Variants in UNC13C observed in about 807,000 individuals in gnomAD.
UNC13C encodes unc-13 homolog C.
UNC13C carries 174 observed loss-of-function variants against 245.4 expected under a neutral mutation model. The ratio of observed to expected loss-of-function variants is 0.71; its 90% CI spans 0.63 to 0.80. UNC13C has a LOEUF of 0.80. Among genes scored for constraint, UNC13C ranks in the 30% least tolerant of loss-of-function variants. The pLI is 0.00. For missense variants in UNC13C, 2,829 were observed against 2,602.9 expected (o/e 1.09, Z -1.89); for synonymous variants, 992 against 895.1 (o/e 1.11, Z -1.93).
At position 54,300,287 on chromosome 15, in the gene UNC13C, G is replaced by A; in HGVS notation, c.4182G>A (p.Trp1394Ter). ...CAGAAGTCAAAGGGGATGAAGCCTG[G>A]AAGGTTTTCTTTGATGATGCTTCCC... Reference protein sequence around the residue: ...KIPEVKGDEAWKVFFDDASQE... With the variant: ...KIPEVKGDEA The change falls in exon 13 of 33, where the codon TGG becomes TGA. Residue 1394 changes from tryptophan (W) to a stop codon, truncating the protein, a stop_gained. Transcript: ENST00000260323. LOFTEE classifies it high-confidence loss of function. The A allele has an allele frequency of 6.3e-7, 1 of 1,593,956 alleles. No individual in the cohort carries two copies. Among genetic ancestry groups the A allele is most frequent in the Non-Finnish European group, 8.6e-7 (1 of 1,169,226 alleles).
intron 19 of UNC13C, among the ~76,000 whole-genome samples, chr15:54,464,813 G>T (rs1366187906): frequency 1.3e-5 from 2 of 151,710 alleles, no homozygotes; most frequent in Non-Finnish European, 2.9e-5. Context: ...CCAGTAAAAG[G>T]TATTAAGGAC....
chr15:54,196,880 A>C (rs1195279649), intron 4 of UNC13C, among the ~76,000 whole-genome samples: 2 of 152,144 alleles, frequency 1.3e-5, no homozygotes, highest in African/African-American at 4.8e-5. Context: ...ACAGTAAAAA[A>C]CTGAAATATT....
downstream of UNC13C, chr15:54,631,422 G>A (rs1227787734): frequency 6.6e-6 from 1 of 152,140 alleles, no homozygotes; most frequent in African/African-American, 2.4e-5. Context: ...TATGACAAAT[G>A]CGTAGTCATG....
chr15:54,605,671 T>G (rs78574078), intron 30 of UNC13C, among the ~76,000 whole-genome samples: 2,147 of 152,246 alleles, frequency 0.014, 51 homozygotes, highest in African/African-American at 0.048. Context: ...TTTTAATGCT[T>G]GAAATGCAGG....
At chr15:54,238,978 T>A (rs951389416) in intron 7 of UNC13C, among the ~76,000 whole-genome samples, 1 of 152,134 alleles carries the variant, frequency 6.6e-6, no homozygotes, top group Non-Finnish European at 1.5e-5. Context: ...TTAAAAAAAA[T>A]TCTTGTGTTT....
chr15:54,481,340 T>A (rs1893100425), intron 19 of UNC13C, among the ~76,000 whole-genome samples: 1 of 151,766 alleles, frequency 6.6e-6, no homozygotes, highest in South Asian at 2.1e-4. Context: ...AGTGCAGGAC[T>A]GGGCAGGCCA....
rs796465791 is a variant in UNC13C, at chr15:54,581,708, T to C, written c.6106+13761T>C. Among the ~76,000 whole-genome samples, 3 of 152,362 alleles carry C rather than the reference T, an allele frequency of 2.0e-5. No individual in the cohort carries two copies. In the South Asian group the frequency reaches 6.2e-4, roughly 32 times the overall value. On this transcript the variant is annotated intron_variant, in intron 30 of 32. Coordinates refer to ENST00000260323, the MANE Select transcript of UNC13C (RefSeq NM_001080534.3). ...GGGGGAGATACCAACATTCTATCTATAGCACATGGAAACTTTTCAGAAGTG... is the reference window on the plus strand; with the variant it reads ...GGGGGAGATACCAACATTCTATCTACAGCACATGGAAACTTTTCAGAAGTG...
chr15:54,105,404 T>A (rs1228289363), intron 2 of UNC13C, among the ~76,000 whole-genome samples: 1 of 152,192 alleles, frequency 6.6e-6, no homozygotes, highest in Non-Finnish European at 1.5e-5. Context: ...AGGGTTCTTC[T>A]GATAAGAATA....
chr15:53,917,299 G>A, the UNC13C span, among the ~76,000 whole-genome samples: 1 of 152,182 alleles, frequency 6.6e-6, no homozygotes, highest in African/African-American at 2.4e-5. Context: ...TGCATCAGGA[G>A]TAGCTAGTCT....
intron 24 of UNC13C, among the ~76,000 whole-genome samples, chr15:54,522,119 GA>G (rs887754344): frequency 3.3e-5 from 5 of 151,946 alleles, no homozygotes; most frequent in African/African-American, 1.2e-4. Flanking sequence ...ATCTTTTAAA[GA>G]AAAAGGAAAA....
chr15:54,191,068 T>C (rs187115438), intron 4 of UNC13C, among the ~76,000 whole-genome samples: 44 of 152,306 alleles, frequency 2.9e-4, no homozygotes, highest in African/African-American at 9.9e-4. Flanking sequence ...TTTTAAATTA[T>C]GCTTTAAGTT....
intron 19 of UNC13C, among the ~76,000 whole-genome samples, chr15:54,438,359 G>C (rs975717390): frequency 6.6e-6 from 1 of 151,900 alleles, no homozygotes; most frequent in African/African-American, 2.4e-5. Flanking sequence ...AAGACTACAA[G>C]ATATGTCCAT....
chr15:54,494,877 G>C, intron 20 of UNC13C, 143 bp downstream of exon 20: 3 of 1,012,968 alleles, frequency 3.0e-6, no homozygotes, highest in Non-Finnish European at 4.4e-6. Context: ...AACATTAAAG[G>C]ATTTGCATGT....
intron 1 of UNC13C, among the ~76,000 whole-genome samples, chr15:53,995,249 C>G (rs1454167514): frequency 6.6e-6 from 1 of 151,990 alleles, no homozygotes; most frequent in Admixed American, 6.6e-5. Flanking sequence ...GAAAAAAAGT[C>G]TGAAAAGAGC....
chr15:53,840,047 C>T, the UNC13C span, among the ~76,000 whole-genome samples: 2 of 152,072 alleles, frequency 1.3e-5, no homozygotes, highest in Admixed American at 1.3e-4. Flanking sequence ...CGATTCTTTA[C>T]TTATAGCAAG....
chr15:54,073,615 C>T (rs78208133), intron 2 of UNC13C, among the ~76,000 whole-genome samples: 71,245 of 152,038 alleles, frequency 0.47, 18,671 homozygotes, highest in Non-Finnish European at 0.6. Flanking sequence ...TTTTCATTTG[C>T]GTTGCTCTAA....
chr15:54,552,652 AAT>A (rs1896849599), intron 28 of UNC13C, among the ~76,000 whole-genome samples: 4 of 80,648 alleles, frequency 5.0e-5, no homozygotes, highest in African/African-American at 6.5e-5. Context: ...ATAATTATAT[AAT>A]TATATTATAT....
intron 19 of UNC13C, among the ~76,000 whole-genome samples, chr15:54,478,959 G>C: frequency 6.6e-6 from 1 of 151,990 alleles, no homozygotes; most frequent in South Asian, 2.1e-4. Context: ...TCTCTTTGTA[G>C]GTCATTCAGG....
intron 13 of UNC13C, chr15:54,321,688 C>T (rs577918209): frequency 3.0e-4 from 128 of 426,070 alleles, no homozygotes; most frequent in Non-Finnish European, 4.4e-4. Flanking sequence ...GCAAGGGAGA[C>T]TTTAACAATG....
Sources: gnomAD v4.1 joint callset for allele counts (sites outside exome capture counted in the v4.1 genomes callset) on GRCh38, gnomAD v4.1.1 for gene constraint, MANE v1.5 for transcripts, NCBI Gene and HGNC (gene_info 2026-07-23, HGNC 2026-07-21) for gene names.